Variants in RPH3AL observed in about 807,000 individuals in gnomAD.
The protein encoded by RPH3AL is rabphilin 3A like (without C2 domains).
A neutral mutation model predicts 43.1 loss-of-function variants in RPH3AL; 38 were observed. That is an observed-to-expected ratio of 0.88 (90% CI 0.68 to 1.15). The LOEUF (loss-of-function observed/expected upper bound fraction) is 1.15. RPH3AL is among the 50% of genes most tolerant of loss of function. The probability of loss-of-function intolerance (pLI) is 0.00; values close to 1 mark genes in which losing one functional copy is unlikely to be tolerated. For synonymous variants in RPH3AL, 189 were observed against 176.3 expected (o/e 1.07, Z -0.57); for missense variants, 462 against 423.2 (o/e 1.09, Z -0.81).
chr17:331,010 C>T (rs9905757), intron 2 of RPH3AL: 28,319 of 152,050 alleles, frequency 0.19, 3,118 homozygotes, highest in East Asian at 0.36. Flanking sequence ...CCGGAGCAAC[C>T]GCCTCCTGCA....
intron 6 of RPH3AL, among the ~76,000 whole-genome samples, chr17:277,920 C>T (rs1445737615): frequency 6.6e-6 from 1 of 151,988 alleles, no homozygotes; most frequent in Admixed American, 6.6e-5. Flanking sequence ...GTGGCACTGC[C>T]CTACAGCCTG....
rs114575709 is a variant in RPH3AL, at chr17:334,498, C to T, written c.-212-564G>A. 9.1e-3 allele frequency among the ~76,000 whole-genome samples: 1,372 copies of T among 150,552 alleles called. 17 individuals are homozygous for T. The highest frequency in any genetic ancestry group is 0.031 in the African/African-American group (1,276 of 40,770). On this transcript the variant is annotated intron_variant, in intron 1 of 9. Transcript: ENST00000331302. ...GGCCAGCCCATCCACTGCGGAGGGA[C>T]AGGAACAAGGACAGGGACAAGGCAA...
intron 3 of RPH3AL, among the ~76,000 whole-genome samples, chr17:325,141 G>A (rs1239028487): frequency 2.6e-5 from 4 of 152,196 alleles, no homozygotes; most frequent in Admixed American, 6.5e-5. Context: ...GATTACAGGC[G>A]TGAGCCACCG....
chr17:321,138 A>G, intron 4 of RPH3AL, 134 bp downstream of exon 4: 1 of 1,114,878 alleles, frequency 9.0e-7, no homozygotes, highest in Admixed American at 2.1e-5. Context: ...CAAGGGCTGG[A>G]GTCAGGGACC....
Position 321,403 on chromosome 17 carries a change from G to A in RPH3AL, c.90C>T (p.Gly30=), listed in dbSNP as rs888990893. The A allele has an allele frequency of 1.2e-6, 2 of 1,607,690 alleles. No individual in the cohort carries two copies. Among genetic ancestry groups the A allele is most frequent in the Admixed American group, 1.7e-5 (1 of 59,928 alleles). The stretch of plus-strand genomic sequence containing the variant: ...CCGTCTGGTAGGTGTGCACGGACCA[G>A]CCCGTCTGCAGCCTCGAGAGGGAAC... ...QLALRAKLQT[G]WSVHTYQTEK... Residue 30 remains glycine, a synonymous_variant, in exon 4 of 10, where the codon GGC becomes GGT. Coordinates refer to ENST00000331302, the MANE Select transcript of RPH3AL (RefSeq NM_006987.4).
At chr17:294,471 A>T (rs1157414609) in intron 5 of RPH3AL, among the ~76,000 whole-genome samples, 1 of 152,208 alleles carries the variant, frequency 6.6e-6, no homozygotes, top group African/African-American at 2.4e-5. Context: ...AAAAAGGCCA[A>T]CCTGAGTGGA....
intron 5 of RPH3AL, among the ~76,000 whole-genome samples, chr17:310,824 A>G (rs2151654349): frequency 6.6e-6 from 1 of 152,228 alleles, no homozygotes; most frequent in Non-Finnish European, 1.5e-5. Flanking sequence ...GACACGAGAG[A>G]GCCCTGCAGG....
In RPH3AL at chr17:319,455, C is replaced by A. The variant is rs1266505623; in HGVS notation, c.316G>T (p.Gly106Cys). ...TCTTTGCAGAACACCGACGAGCTGC[C>A]CAGGAAGCCCAGCACCTCCCCGCAG... Reference protein sequence around the residue: ...LLCGEVLGFLGSSSVFCKDCR... With the variant: ...LLCGEVLGFLCSSSVFCKDCR... Residue 106 changes from glycine (G) to cysteine (C), a missense_variant, in exon 5 of 10, where the codon GGC (glycine) becomes TGC (cysteine). Physicochemically the swap from Gly to Cys is radical, Grantham distance 159. Transcript: ENST00000331302. 5.6e-6 allele frequency: 9 copies of A among 1,612,456 alleles called. No individual in the cohort carries two copies. Among genetic ancestry groups the A allele is most frequent in the East Asian group, 2.2e-5 (1 of 44,872 alleles).
At chr17:267,177 T>C (rs1229272070) in intron 6 of RPH3AL, among the ~76,000 whole-genome samples, 19 of 152,254 alleles carry the variant, frequency 1.2e-4, no homozygotes, top group Admixed American at 1.2e-3. Flanking sequence ...AGCAAATGCA[T>C]GGAGGCTAAT....
intron 5 of RPH3AL, among the ~76,000 whole-genome samples, chr17:286,393 C>G (rs996091494): frequency 3.9e-5 from 6 of 152,034 alleles, no homozygotes; most frequent in African/African-American, 1.4e-4. Context: ...GGGGTCAGTT[C>G]TCCACCTCAG....
At position 245,145 on chromosome 17, in the gene RPH3AL, ATG is replaced by A. The variant is rs1381583499; in HGVS notation, c.613+1964_613+1965del. 2.1e-5 allele frequency among the ~76,000 whole-genome samples: 3 copies of A among 144,430 alleles called. No individual in the cohort carries two copies. Among genetic ancestry groups the A allele is most frequent in the Non-Finnish European group, 4.5e-5 (3 of 66,278 alleles). The allele number at this position is 144,430 out of a possible 152,430, so 94.8% of individuals were successfully genotyped here. On this transcript the variant is annotated intron_variant, in intron 7 of 9. Transcript: ENST00000331302. The surrounding 1 kb of genome is among the most constrained non-coding windows in gnomAD (Gnocchi z 5.9). ...TGTGTGGATGTGTGTGTCCATGTGGATGTGTGTGTGCACATGGATGTGTCTGT... is the reference window on the plus strand; with the variant it reads ...TGTGTGGATGTGTGTGTCCATGTGGATGTGTGTGCACATGGATGTGTCTGT...
intron 6 of RPH3AL, among the ~76,000 whole-genome samples, chr17:260,584 G>A (rs2042174492): frequency 6.6e-6 from 1 of 152,108 alleles, no homozygotes; most frequent in Admixed American, 6.5e-5. Context: ...GAGAACCACG[G>A]GAAAAGACCT....
intron 5 of RPH3AL, among the ~76,000 whole-genome samples, chr17:282,724 A>G (rs2042811258): frequency 6.6e-6 from 1 of 152,242 alleles, no homozygotes; most frequent in African/African-American, 2.4e-5. Flanking sequence ...TACGCAAACC[A>G]AGATGGTATA....
In RPH3AL at chr17:219,739, G is replaced by C. The variant is rs779817620; in HGVS notation, c.614-3C>G. On this transcript the variant is annotated splice_polypyrimidine_tract_variant and splice_region_variant and intron_variant, in intron 7 of 9. Transcript: ENST00000331302. Reference sequence around the variant, plus strand: ...ACTGTCACTGTCACTGGAAACCACTGGAAGAGACAGACCACAGCACAGGAG... The same window carrying C: ...ACTGTCACTGTCACTGGAAACCACTCGAAGAGACAGACCACAGCACAGGAG... The C allele has an allele frequency of 3.1e-6, 5 of 1,607,882 alleles. No homozygotes were observed. The highest frequency in any genetic ancestry group is 4.3e-6 in the Non-Finnish European group (5 of 1,174,664).
intron 5 of RPH3AL, among the ~76,000 whole-genome samples, chr17:307,315 ACGG>A (rs1567634052): frequency 3.3e-5 from 4 of 123,004 alleles, no homozygotes; most frequent in African/African-American, 6.6e-5. Context: ...GGTCCTCCCC[ACGG>A]CAGGTCCTCC....
chr17:308,886 T>C (rs1476337893), intron 5 of RPH3AL, among the ~76,000 whole-genome samples: 3 of 152,150 alleles, frequency 2.0e-5, no homozygotes, highest in African/African-American at 2.4e-5. Context: ...CCCCACAGCT[T>C]CCCAAGGCAG....
intron 7 of RPH3AL, among the ~76,000 whole-genome samples, chr17:237,687 C>T (rs1019084664): frequency 2.6e-5 from 4 of 152,206 alleles, no homozygotes; most frequent in Non-Finnish European, 4.4e-5. Flanking sequence ...GGCCAGGCCA[C>T]AGCCCAGTGA....
intron 7 of RPH3AL, among the ~76,000 whole-genome samples, chr17:240,583 C>T (rs1480877151): frequency 9.9e-5 from 15 of 152,202 alleles, no homozygotes; most frequent in Admixed American, 8.5e-4. Flanking sequence ...TTCCACTTCG[C>T]ATGGTGTTTT....
chr17:339,926 G>A (rs374361293), intron 1 of RPH3AL, among the ~76,000 whole-genome samples: 5 of 152,102 alleles, frequency 3.3e-5, no homozygotes, highest in South Asian at 4.1e-4. Flanking sequence ...GCTGTTTCCC[G>A]GAGCAGGCAG....
Sources: gnomAD v4.1 joint callset for allele counts (sites outside exome capture counted in the v4.1 genomes callset) on GRCh38, gnomAD v4.1.1 for gene constraint, Gnocchi (gnomAD v3.1) non-coding constraint, MANE v1.5 for transcripts, NCBI Gene and HGNC (gene_info 2026-07-23, HGNC 2026-07-21) for gene names.